NUP62CL: variants seen among roughly 807,000 people sequenced by gnomAD.
NUP62CL encodes nucleoporin-62 C-terminal-like protein.
NUP62CL carries 13 observed loss-of-function variants against 15.3 expected under a neutral mutation model. The observed-to-expected ratio is 0.85, with a 90% CI of 0.55 to 1.35. The LOEUF (loss-of-function observed/expected upper bound fraction) is 1.35, where lower values mean the gene tolerates loss of function less well. NUP62CL is among the 40% of genes most tolerant of loss of function. The probability of loss-of-function intolerance (pLI) is 0.00; values close to 1 mark genes in which losing one functional copy is unlikely to be tolerated. For synonymous variants in NUP62CL, 54 were observed against 49.2 expected, an observed-to-expected ratio of 1.10 and a Z score of -0.41; for missense variants, 123 against 130.6, an observed-to-expected ratio of 0.94 and a Z score of 0.28.
rs770540313 is a variant in NUP62CL, at chrX:107,147,762, C to A, written c.*23G>T. ...TCCCACCTGAATTCCGATCAATCCA[C>A]TGCAGGGAGTCCATATGGGCATTCA... is the stretch of plus-strand genomic sequence containing the variant. On this transcript the variant is annotated 3_prime_UTR_variant, in exon 8 of 9. Coordinates refer to ENST00000372466, the MANE Select transcript of NUP62CL (RefSeq NM_017681.3). 1.0e-5 allele frequency: 12 copies of A among 1,184,431 alleles called. No homozygotes were observed. The African/African-American group carries it at 1.9e-4, about 19-fold the overall frequency.
intron 1 of NUP62CL, among the ~76,000 whole-genome samples, chrX:107,196,506 ACTGCAACCTC>A (rs1927364091): frequency 8.9e-6 from 1 of 112,217 alleles, no homozygotes; most frequent in East Asian, 2.8e-4. Context: ...ATCTTGGCTC[ACTGCAACCTC>A]CTGCAACCTC....
intron 2 of NUP62CL, among the ~76,000 whole-genome samples, chrX:107,187,821 A>G (rs1927105737): frequency 8.9e-6 from 1 of 112,902 alleles, no homozygotes; most frequent in African/African-American, 3.2e-5. Flanking sequence ...TACCTAGCAG[A>G]CATCAAAAGA....
chrX:107,165,846 C>T (rs968373062), intron 4 of NUP62CL, among the ~76,000 whole-genome samples: 1 of 111,685 alleles, frequency 9.0e-6, no homozygotes, highest in South Asian at 3.7e-4. Flanking sequence ...AACTCGACAT[C>T]CACAGACAAA....
chrX:107,162,104 C>T (rs376545722), intron 4 of NUP62CL, among the ~76,000 whole-genome samples: 2 of 110,461 alleles, frequency 1.8e-5, no homozygotes, highest in African/African-American at 3.3e-5. Context: ...AACAAGCTCA[C>T]CTAAGGAATT....
At chrX:107,194,615 G>T (rs763642253) in intron 1 of NUP62CL, among the ~76,000 whole-genome samples, 23 of 111,013 alleles carry the variant, frequency 2.1e-4, no homozygotes, top group Middle Eastern at 4.7e-3. Context: ...GCACCACTAA[G>T]AAAGGAAGGG....
intron 2 of NUP62CL, among the ~76,000 whole-genome samples, chrX:107,186,890 AAAAAC>A (rs1038917316): frequency 8.9e-6 from 1 of 112,020 alleles, no homozygotes; most frequent in African/African-American, 3.3e-5. Context: ...CTCTGTCTCA[AAAAAC>A]AAAACAAAAG....
intron 8 of NUP62CL, among the ~76,000 whole-genome samples, chrX:107,130,584 G>A (rs985751754): frequency 9.0e-6 from 1 of 111,467 alleles, no homozygotes; most frequent in African/African-American, 3.3e-5. Flanking sequence ...ACAAAGAGTA[G>A]AGTCAATATA....
At chrX:107,188,707 G>A (rs919944150) in intron 2 of NUP62CL, among the ~76,000 whole-genome samples, 7 of 111,261 alleles carry the variant, frequency 6.3e-5, no homozygotes, top group Non-Finnish European at 1.3e-4. Context: ...AATTATCTAT[G>A]TAGAAAAATC....
At chrX:107,165,363 A>G (rs1926493571) in intron 4 of NUP62CL, among the ~76,000 whole-genome samples, 1 of 110,560 alleles carries the variant, frequency 9.0e-6, no homozygotes, top group South Asian at 3.8e-4. Flanking sequence ...TAAAAGAAAG[A>G]TACAGGCCGA....
At chrX:107,130,443 C>A (rs1461406315) in intron 8 of NUP62CL, among the ~76,000 whole-genome samples, 2 of 112,199 alleles carry the variant, frequency 1.8e-5, no homozygotes, top group Non-Finnish European at 3.8e-5. Context: ...CCTTTTCAGA[C>A]AGGCAAGGTC....
At chrX:107,205,817 T>C (rs1416471293) in intron 1 of NUP62CL, among the ~76,000 whole-genome samples, 1 of 110,626 alleles carries the variant, frequency 9.0e-6, no homozygotes, top group African/African-American at 3.3e-5. Flanking sequence ...CGCGCCTGCT[T>C]TTCTCCACTC....
chrX:107,123,622 C>T lies in NUP62CL; in HGVS notation c.*753G>A, dbSNP rs45581137. The T allele has an allele frequency of 9.0e-6, 1 of 110,879 alleles. No homozygotes were observed. Among genetic ancestry groups the T allele is most frequent in the Non-Finnish European group, 1.9e-5 (1 of 52,851 alleles). The allele number at this position is 110,879 out of a possible 1,213,427, so 9.1% of individuals were successfully genotyped here. A position where few individuals can be genotyped will look rare whatever the true frequency, so the allele number is the denominator to read the frequency against. On this transcript the variant is annotated 3_prime_UTR_variant, in exon 9 of 9. Transcript: ENST00000372466. ...GAAAAACAAACAAATATACGGAAATCACCAACTATAAATCATATGCTAAAA... is the reference window on the plus strand; with the variant it reads ...GAAAAACAAACAAATATACGGAAATTACCAACTATAAATCATATGCTAAAA...
intron 1 of NUP62CL, among the ~76,000 whole-genome samples, chrX:107,203,164 G>C (rs910847728): frequency 9.2e-6 from 1 of 108,380 alleles, no homozygotes; most frequent in South Asian, 4.0e-4. Flanking sequence ...TGAGCTCACT[G>C]TTATGTAAGA....
At chrX:107,165,807 G>T (rs1322571681) in intron 4 of NUP62CL, among the ~76,000 whole-genome samples, 2 of 111,664 alleles carry the variant, frequency 1.8e-5, no homozygotes, top group Admixed American at 1.9e-4. Context: ...CAGGGGGGAA[G>T]ATAGTCTTTC....
chrX:107,176,558 GT>G (rs35773342), intron 2 of NUP62CL, among the ~76,000 whole-genome samples: 31,932 of 100,887 alleles, frequency 0.32, 5,040 homozygotes, highest in African/African-American at 0.57. Context: ...TGGGTATAGG[GT>G]TTTTTTTTTT....
At chrX:107,127,230 C>T (rs987373469) in intron 8 of NUP62CL, among the ~76,000 whole-genome samples, 2 of 111,536 alleles carry the variant, frequency 1.8e-5, no homozygotes, top group Admixed American at 9.5e-5. Flanking sequence ...ATTCAATCTA[C>T]ATAAACTCTC....
intron 4 of NUP62CL, among the ~76,000 whole-genome samples, chrX:107,156,207 G>A (rs1341040363): frequency 8.9e-6 from 1 of 111,864 alleles, no homozygotes; most frequent in African/African-American, 3.3e-5. Context: ...TGGGGGAGGG[G>A]CGCCCGCCAT....
rs1313003575 is a variant in NUP62CL at position 107,206,119 on chromosome X, T to G, written c.-92+154A>C. 5.4e-5 allele frequency among the ~76,000 whole-genome samples: 6 copies of G among 110,382 alleles called. 1 individual carries two copies. In the Admixed American group the frequency reaches 5.8e-4, roughly 11 times the overall value. On this transcript the variant is annotated intron_variant, in intron 1 of 8. Transcript: ENST00000372466. Reference sequence around the variant, plus strand: ...CGTGGAGGACTGTAGCAAAACCTTCTCTACCCCCGGCCCACTGACCCTACC... The same window carrying G: ...CGTGGAGGACTGTAGCAAAACCTTCGCTACCCCCGGCCCACTGACCCTACC...
At chrX:107,176,261 T>C (rs1485765437) in intron 2 of NUP62CL, among the ~76,000 whole-genome samples, 2 of 110,987 alleles carry the variant, frequency 1.8e-5, no homozygotes, top group Non-Finnish European at 3.8e-5. Flanking sequence ...GAATAACAAT[T>C]TAGGGTGTAA....
Sources: gnomAD v4.1 joint callset for allele counts (sites outside exome capture counted in the v4.1 genomes callset) on GRCh38, gnomAD v4.1.1 for gene constraint, MANE v1.5 for transcripts, NCBI Gene and HGNC (gene_info 2026-07-23, HGNC 2026-07-21) for gene names.